SNX29: variants seen among roughly 807,000 people sequenced by gnomAD.
SNX29 encodes sorting nexin-29.
SNX29 carries 78 observed loss-of-function variants against 102.1 expected under a neutral mutation model. That is an observed-to-expected ratio of 0.76 (90% confidence interval 0.64 to 0.92). SNX29 has a LOEUF of 0.92. Among genes scored for constraint, SNX29 ranks in the 40% least tolerant of loss-of-function variants. The pLI is 0.00. For missense variants in SNX29, 1,280 were observed against 1,061.7 expected, an observed-to-expected ratio of 1.21 and a Z score of -2.86; for synonymous variants, 580 against 414.5, an observed-to-expected ratio of 1.40 and a Z score of -4.85.
Position 12,148,512 on chromosome 16 carries a change from C to T in SNX29, c.1595+18754C>T, listed in dbSNP as rs998792630. Among the ~76,000 whole-genome samples the T allele has an allele frequency of 2.6e-5, 4 of 152,098 alleles. No individual in the cohort carries two copies. The East Asian group carries it at 7.7e-4, about 29-fold the overall frequency. On this transcript the variant is annotated intron_variant, in intron 13 of 20. Transcript: ENST00000566228. ...TTTCTTGTTTTTCACTCATTTGTAC[C>T]TCAGATTTTCTTGTCCAATCTCCCC...
chr16:12,150,227 G>A (rs1315368880), intron 13 of SNX29, among the ~76,000 whole-genome samples: 1 of 152,130 alleles, frequency 6.6e-6, no homozygotes, highest in Non-Finnish European at 1.5e-5. Context: ...AGGGTCGGAG[G>A]GGCTGGAAGT....
chr16:12,002,860 T>C, intron 2 of SNX29, 131 bp from the exon 3 acceptor site: 1 of 939,092 alleles, frequency 1.1e-6, no homozygotes, highest in South Asian at 1.5e-5. Context: ...GACAGGGACG[T>C]CCTCACTTGG....
At chr16:12,380,539 A>ACCACCCACCATCCATCCAT (rs1417533548) in intron 16 of SNX29, among the ~76,000 whole-genome samples, 2 of 90,812 alleles carry the variant, frequency 2.2e-5, no homozygotes, top group African/African-American at 4.1e-5. Context: ...CTGTCCACCT[A>ACCACCCACCATCCATCCAT]CCACCCACCA....
At chr16:12,562,906 T>C (rs561216932) in intron 20 of SNX29, among the ~76,000 whole-genome samples, 35 of 152,232 alleles carry the variant, frequency 2.3e-4, no homozygotes, top group Admixed American at 1.2e-3. Context: ...ACGATGTGCT[T>C]GAGATTCGTC....
At chr16:12,529,038 G>C (rs1385179948) in intron 20 of SNX29, among the ~76,000 whole-genome samples, 5 of 152,184 alleles carry the variant, frequency 3.3e-5, no homozygotes, top group African/African-American at 1.2e-4. Flanking sequence ...TCTGTAAGAG[G>C]CATCATGACT....
intron 1 of SNX29, among the ~76,000 whole-genome samples, chr16:11,994,037 C>G (rs1405411932): frequency 3.3e-5 from 5 of 152,208 alleles, no homozygotes; most frequent in African/African-American, 1.2e-4. Flanking sequence ...AGGATAATCG[C>G]TTGAACCCAG....
intron 15 of SNX29, 122 bp downstream of exon 15, chr16:12,278,158 C>T: frequency 1.3e-6 from 1 of 759,492 alleles, no homozygotes; most frequent in Non-Finnish European, 2.2e-6. Context: ...TCCTCAGCCC[C>T]ACAAAACAAA....
chr16:12,447,572 C>A (rs2086119507), intron 18 of SNX29, among the ~76,000 whole-genome samples: 1 of 152,238 alleles, frequency 6.6e-6, no homozygotes, highest in Non-Finnish European at 1.5e-5. Context: ...AACCAGCAGC[C>A]TGTTCTCCTA....
intron 13 of SNX29, among the ~76,000 whole-genome samples, chr16:12,194,712 C>T (rs537220640): frequency 1.9e-4 from 29 of 151,378 alleles, no homozygotes; most frequent in Admixed American, 4.6e-4. Flanking sequence ...GTGCAACCTC[C>T]GCCTCCCAGG....
chr16:12,100,462 T>C (rs2052965397), intron 11 of SNX29, among the ~76,000 whole-genome samples: 1 of 152,052 alleles, frequency 6.6e-6, no homozygotes, highest in Non-Finnish European at 1.5e-5. Flanking sequence ...AGAAGAGACA[T>C]GTCAGGTGGG....
At chr16:12,262,283 G>C (rs2078797832) in intron 14 of SNX29, among the ~76,000 whole-genome samples, 1 of 152,210 alleles carries the variant, frequency 6.6e-6, no homozygotes, top group Non-Finnish European at 1.5e-5. Context: ...TTTGATAAAT[G>C]AGGAGACCCA....
At chr16:12,157,809 T>G (rs994039170) in intron 13 of SNX29, among the ~76,000 whole-genome samples, 3 of 152,112 alleles carry the variant, frequency 2.0e-5, no homozygotes, top group African/African-American at 7.2e-5. Flanking sequence ...GCAGGGCCAT[T>G]CTCTGAAAGC....
At chr16:12,276,288 C>G (rs2079248620) in intron 14 of SNX29, among the ~76,000 whole-genome samples, 1 of 152,140 alleles carries the variant, frequency 6.6e-6, no homozygotes, top group Non-Finnish European at 1.5e-5. Flanking sequence ...GTTTTTCTTT[C>G]CATAACTGTT....
chr16:12,219,961 C>G (rs2077432510), intron 14 of SNX29, among the ~76,000 whole-genome samples: 1 of 152,234 alleles, frequency 6.6e-6, no homozygotes, highest in African/African-American at 2.4e-5. Context: ...CGCACACACA[C>G]CCCACCGGTA....
chr16:12,320,475 T>G (rs1485555504), intron 15 of SNX29, among the ~76,000 whole-genome samples: 1 of 152,198 alleles, frequency 6.6e-6, no homozygotes, highest in Non-Finnish European at 1.5e-5. Flanking sequence ...AGCCCCAAGC[T>G]GTGGGAAGCA....
At chr16:12,111,493 C>T (rs2053499787) in intron 11 of SNX29, among the ~76,000 whole-genome samples, 1 of 152,178 alleles carries the variant, frequency 6.6e-6, no homozygotes, top group South Asian at 2.1e-4. Flanking sequence ...CCTCCCTGCG[C>T]AGGAGTCCAC....
chr16:12,458,037 T>C (rs1298529075), intron 18 of SNX29, among the ~76,000 whole-genome samples: 1 of 152,194 alleles, frequency 6.6e-6, no homozygotes, highest in Non-Finnish European at 1.5e-5. Flanking sequence ...AATTCCTAAA[T>C]TGGATGCTTT....
chr16:12,390,323 G>T (rs1292761274), intron 16 of SNX29, among the ~76,000 whole-genome samples: 1 of 152,088 alleles, frequency 6.6e-6, no homozygotes, highest in Non-Finnish European at 1.5e-5. Flanking sequence ...TCCCCCGTCG[G>T]AGCACAGACC....
chr16:12,549,271 G>A (rs1346201606), intron 20 of SNX29, among the ~76,000 whole-genome samples: 1 of 152,182 alleles, frequency 6.6e-6, no homozygotes, highest in Non-Finnish European at 1.5e-5. Context: ...TGAGGTGGTA[G>A]ATCACTCAGG....
Sources: gnomAD v4.1 joint callset for allele counts (sites outside exome capture counted in the v4.1 genomes callset) on GRCh38, gnomAD v4.1.1 for gene constraint, MANE v1.5 for transcripts, NCBI Gene and HGNC (gene_info 2026-07-23, HGNC 2026-07-21) for gene names.